FRMD4A: variants seen among roughly 807,000 people sequenced by gnomAD.
FRMD4A encodes FERM domain containing 4A, also known as FERM domain-containing protein 4A.
In FRMD4A, 29 loss-of-function variants were observed where a neutral mutation model predicts 129.1. The observed-to-expected ratio is 0.22, with a 90% CI of 0.17 to 0.31. The LOEUF (loss-of-function observed/expected upper bound fraction) is 0.31. Ranked by LOEUF, FRMD4A falls within the 10% of genes least tolerant of loss-of-function variation. The pLI is 1.00. For missense variants in FRMD4A, 1,272 were observed against 1,375.8 expected, an observed-to-expected ratio of 0.92 and a Z score of 1.19; for synonymous variants, 634 against 571.6, an observed-to-expected ratio of 1.11 and a Z score of -1.56.
At chr10:13,877,959 C>T (rs1375931502) in intron 2 of FRMD4A, among the ~76,000 whole-genome samples, 1 of 151,960 alleles carries the variant, frequency 6.6e-6, no homozygotes, top group Non-Finnish European at 1.5e-5. Context: ...GAGAGGACTC[C>T]CAAACCCAAA....
chr10:13,874,673 G>T (rs2094471947), intron 2 of FRMD4A, among the ~76,000 whole-genome samples: 1 of 152,184 alleles, frequency 6.6e-6, no homozygotes, highest in African/African-American at 2.4e-5. Context: ...CCAGGAAATA[G>T]AATGCAAACA....
intron 3 of FRMD4A, among the ~76,000 whole-genome samples, chr10:13,814,321 T>C (rs1007286463): frequency 1.3e-5 from 2 of 152,068 alleles, no homozygotes; most frequent in African/African-American, 2.4e-5. Context: ...CTGGGCACAG[T>C]GGCTCTTGCC....
chr10:13,744,223 G>A (rs1342271228), intron 9 of FRMD4A, among the ~76,000 whole-genome samples: 1 of 152,118 alleles, frequency 6.6e-6, no homozygotes, highest in Non-Finnish European at 1.5e-5. Context: ...GAGGCGATAG[G>A]GGTGGTCAGG....
chr10:14,076,532 C>T (rs943101896), intron 2 of FRMD4A, among the ~76,000 whole-genome samples: 3 of 151,796 alleles, frequency 2.0e-5, no homozygotes, highest in Admixed American at 6.6e-5. Flanking sequence ...CCCAGCTACT[C>T]GGGAGGCTGA....
At chr10:14,233,532 C>T (rs2131991459) in intron 2 of FRMD4A, among the ~76,000 whole-genome samples, 1 of 152,324 alleles carries the variant, frequency 6.6e-6, no homozygotes, top group Non-Finnish European at 1.5e-5. Flanking sequence ...CGAGATTGTG[C>T]CACTGCATTC....
In FRMD4A at chr10:14,129,397, T is replaced by C. The variant is rs953592996; in HGVS notation, c.45+200661A>G. ...ATATATATATATATATATATATATA[T>C]ATATATATATAAAAAATATGAGCTG... On this transcript the variant is annotated intron_variant, in intron 2 of 24. Coordinates refer to ENST00000357447, the MANE Select transcript of FRMD4A (RefSeq NM_018027.5). 3.0e-5 allele frequency among the ~76,000 whole-genome samples: 4 copies of C among 131,868 alleles called. 1 individual carries two copies. Among genetic ancestry groups the C allele is most frequent in the African/African-American group, 1.3e-4 (4 of 31,190 alleles). 86.5% of individuals were successfully genotyped at this position (131,868 alleles called of 152,430 possible). A position where few individuals can be genotyped will look rare whatever the true frequency, so the allele number is the denominator to read the frequency against.
At position 13,654,550 on chromosome 10, in the gene FRMD4A, A is replaced by G. The variant is rs2081975271; in HGVS notation, c.2954-38T>C. ...GGTGCAAGAAAGGCAGAGAGCAGAC[A>G]GGGATCAGACACAGGTGAAAGAGCT... On this transcript the variant is annotated intron_variant, in intron 22 of 24. Transcript: ENST00000357447. 4 of 1,353,430 alleles carry G rather than the reference A, an allele frequency of 3.0e-6. No individual in the cohort carries two copies. The African/African-American group carries it at 5.7e-5, about 19-fold the overall frequency. The allele number at this position is 1,353,430 out of a possible 1,614,324, so 83.8% of individuals were successfully genotyped here.
intron 6 of FRMD4A, among the ~76,000 whole-genome samples, chr10:13,770,827 G>A (rs1221026566): frequency 1.3e-5 from 2 of 152,096 alleles, no homozygotes; most frequent in Non-Finnish European, 2.9e-5. Context: ...GAAAAAGAAG[G>A]TACCTGTCTG....
intron 2 of FRMD4A, among the ~76,000 whole-genome samples, chr10:14,309,739 G>C (rs1846476272): frequency 6.6e-6 from 1 of 151,996 alleles, no homozygotes; most frequent in African/African-American, 2.4e-5. Flanking sequence ...CCTCCCTGAA[G>C]ACTTGCAGTC....
intron 6 of FRMD4A, among the ~76,000 whole-genome samples, chr10:13,775,547 T>C (rs965752543): frequency 6.6e-6 from 1 of 152,186 alleles, no homozygotes; most frequent in Non-Finnish European, 1.5e-5. Context: ...TTTCTCTGGA[T>C]TGATTGCAGG....
intron 2 of FRMD4A, among the ~76,000 whole-genome samples, chr10:13,880,171 T>C (rs1353226385): frequency 2.0e-5 from 3 of 152,038 alleles, no homozygotes; most frequent in Non-Finnish European, 2.9e-5. Flanking sequence ...CTTGGTCCCT[T>C]GTTAAACATC....
intron 4 of FRMD4A, among the ~76,000 whole-genome samples, chr10:13,798,696 GAC>G (rs1381161070): frequency 1.3e-5 from 2 of 152,200 alleles, no homozygotes; most frequent in Non-Finnish European, 2.9e-5. Context: ...CAGCCTGGGT[GAC>G]AGAGCGAGAC....
At chr10:13,696,460 G>C (rs1374567147) in intron 14 of FRMD4A, among the ~76,000 whole-genome samples, 4 of 152,212 alleles carry the variant, frequency 2.6e-5, no homozygotes, top group Non-Finnish European at 5.9e-5. Flanking sequence ...ACCTGAATTA[G>C]AGCTGGGCAT....
chr10:14,111,590 T>C (rs538197419), intron 2 of FRMD4A, among the ~76,000 whole-genome samples: 19 of 152,264 alleles, frequency 1.2e-4, no homozygotes, highest in Admixed American at 9.8e-4. Context: ...ATAAAATTAA[T>C]CCATCAATTC....
intron 3 of FRMD4A, among the ~76,000 whole-genome samples, chr10:13,850,692 T>A (rs2094128886): frequency 6.6e-6 from 1 of 152,180 alleles, no homozygotes. Flanking sequence ...GGTGAACTAT[T>A]AATAGATCAT....
intron 2 of FRMD4A, among the ~76,000 whole-genome samples, chr10:14,200,343 G>C (rs1340158751): frequency 7.1e-6 from 1 of 140,448 alleles, no homozygotes; most frequent in Non-Finnish European, 1.7e-5. Context: ...ACCCAGGCTG[G>C]AGTGCAGTGG....
At chr10:14,073,858 T>A (rs1381654541) in intron 2 of FRMD4A, among the ~76,000 whole-genome samples, 1 of 152,130 alleles carries the variant, frequency 6.6e-6, no homozygotes, top group Non-Finnish European at 1.5e-5. Flanking sequence ...ATGTCTGTAA[T>A]CCCAGCACTT....
chr10:14,061,295 T>C (rs1052927779), intron 2 of FRMD4A, among the ~76,000 whole-genome samples: 2 of 151,860 alleles, frequency 1.3e-5, no homozygotes, highest in African/African-American at 4.8e-5. Context: ...CTACTAAAAA[T>C]ACAAAAATTA....
intron 2 of FRMD4A, among the ~76,000 whole-genome samples, chr10:14,176,711 G>A (rs183887380): frequency 8.6e-5 from 13 of 151,998 alleles, no homozygotes; most frequent in African/African-American, 2.9e-4. Flanking sequence ...CTGACCTCAC[G>A]ATCCACCCCC....
Sources: allele counts gnomAD v4.1 joint callset (sites outside exome capture counted in the v4.1 genomes callset), GRCh38; gene constraint gnomAD v4.1.1; transcripts MANE v1.5; gene names NCBI Gene and HGNC (gene_info 2026-07-23, HGNC 2026-07-21).